The following CFAP251 variants were observed in gnomAD, a reference collection of about 807,000 sequenced individuals.
CFAP251 encodes cilia- and flagella-associated protein 251.
A neutral mutation model predicts 126.7 loss-of-function variants in CFAP251; 93 were observed. The ratio of observed to expected loss-of-function variants is 0.73; its 90% CI spans 0.62 to 0.87. The LOEUF (loss-of-function observed/expected upper bound fraction) is 0.87. Among genes scored for constraint, CFAP251 ranks in the 40% least tolerant of loss-of-function variants. The probability of loss-of-function intolerance (pLI) is 0.00; values close to 1 mark genes in which losing one functional copy is unlikely to be tolerated. For synonymous variants in CFAP251, 503 were observed against 506.9 expected, an observed-to-expected ratio of 0.99 and a Z score of 0.10; for missense variants, 1,287 against 1,389.2, an observed-to-expected ratio of 0.93 and a Z score of 1.17.
chr12:121,980,081 T>G (rs1008095323), intron 19 of CFAP251, among the ~76,000 whole-genome samples: 6 of 152,218 alleles, frequency 3.9e-5, no homozygotes, highest in Admixed American at 6.5e-5. Context: ...TGGGATTCAA[T>G]GCCACAGGCA....
intron 9 of CFAP251, 107 bp downstream of exon 9, chr12:121,951,637 T>C: frequency 1.3e-6 from 1 of 773,746 alleles, no homozygotes; most frequent in Non-Finnish European, 2.1e-6. Flanking sequence ...GATATTAAGC[T>C]ACTGGGAAAT....
intron 2 of CFAP251, 141 bp from the exon 3 acceptor site, chr12:121,923,481 A>G: frequency 8.6e-7 from 1 of 1,158,750 alleles, no homozygotes; most frequent in Non-Finnish European, 1.2e-6. Flanking sequence ...TTAAGTACAA[A>G]ATGTTCCAGC....
At chr12:121,942,315 C>T (rs1480065359) in intron 5 of CFAP251, among the ~76,000 whole-genome samples, 2 of 152,292 alleles carry the variant, frequency 1.3e-5, no homozygotes, top group African/African-American at 4.8e-5. Context: ...CCTTTCGTGC[C>T]TGGCTTCTTT....
chr12:121,925,579 C>G (rs554992881), intron 3 of CFAP251, among the ~76,000 whole-genome samples: 43 of 152,344 alleles, frequency 2.8e-4, no homozygotes, highest in Non-Finnish European at 5.6e-4. Flanking sequence ...CTCTCTCCCA[C>G]AGCTTGCAAC....
At position 121,958,445 on chromosome 12, in the gene CFAP251, A is replaced by G. The variant is rs923387086; in HGVS notation, c.1904A>G (p.Tyr635Cys). The change falls in exon 12 of 22, where the codon TAT becomes TGT. Residue 635 changes from tyrosine (Y) to cysteine (C), a missense_variant. Tyr to Cys is a radical substitution (Grantham distance 194). Coordinates refer to ENST00000288912, the MANE Select transcript of CFAP251 (RefSeq NM_144668.6). ...SICGMIKVWN[Y>C]ENKQYLFSRV... ...TGTGGGATGATCAAAGTGTGGAATT[A>G]TGAAAACAAACAATATCTTTTCAGC... is the stretch of plus-strand genomic sequence containing the variant. The G allele has an allele frequency of 6.2e-7, 1 of 1,614,252 alleles. No homozygotes were observed. Among genetic ancestry groups the G allele is most frequent in the African/African-American group, 1.3e-5 (1 of 75,074 alleles).
Position 121,954,100 on chromosome 12 carries a change from T to A in CFAP251, c.1321-20T>A. 1 of 1,602,298 alleles carries A rather than the reference T, an allele frequency of 6.2e-7. No homozygotes were observed. The highest frequency in any genetic ancestry group is 8.5e-7 in the Non-Finnish European group (1 of 1,170,176). Reference sequence around the variant, plus strand: ...TTATATTTATTACCAACAGTAACTATAACCTTTCTTTTGAAACAGACCTTC... The same window carrying A: ...TTATATTTATTACCAACAGTAACTAAAACCTTTCTTTTGAAACAGACCTTC... On this transcript the variant is annotated intron_variant, in intron 9 of 21. Transcript: ENST00000288912.
chr12:121,954,314 G>T lies in CFAP251; in HGVS notation c.1515G>T (p.Thr505=), dbSNP rs751281051. ...KLVHLQKEGI[T]VLTTIDSYIV... ...TTCATTTGCAGAAAGAGGGTATCAC[G>T]GTACTTACCACAATTGATAGGTAAT... The change falls in exon 10 of 22, where the codon ACG becomes ACT. Residue 505 remains threonine (T), a synonymous_variant. Transcript: ENST00000288912. 2 of 1,612,702 alleles carry T rather than the reference G, an allele frequency of 1.2e-6. No individual in the cohort carries two copies. Among genetic ancestry groups the T allele is most frequent in the Non-Finnish European group, 8.5e-7 (1 of 1,179,388 alleles).
rs926231832 is a variant in CFAP251, at chr12:121,959,083, A to G, written c.2122A>G (p.Met708Val). The G allele has an allele frequency of 8.2e-6, 13 of 1,592,830 alleles. No homozygotes were observed. Among genetic ancestry groups the G allele is most frequent in the Non-Finnish European group, 1.1e-5 (13 of 1,174,016 alleles). The change falls in exon 13 of 22, where the codon ATG (methionine) becomes GTG (valine). Residue 708 changes from methionine (M) to valine (V), a missense_variant. Coordinates refer to ENST00000288912, the MANE Select transcript of CFAP251 (RefSeq NM_144668.6). The stretch of plus-strand genomic sequence containing the variant: ...AAGCTTTTCCCATGACTCCCAGTAT[A>G]TGGCAACTGCTGTAAGTATTTTCAT... ...HISFSHDSQYMATADRSFTVA... is the reference protein window; with the variant it reads ...HISFSHDSQYVATADRSFTVA...
chr12:121,946,020 A>G (rs998029252), intron 7 of CFAP251, among the ~76,000 whole-genome samples: 4 of 152,186 alleles, frequency 2.6e-5, no homozygotes, highest in African/African-American at 9.7e-5. Flanking sequence ...ATCCTTCAGT[A>G]ACTTCTCATT....
intron 19 of CFAP251, among the ~76,000 whole-genome samples, chr12:121,994,992 A>G (rs976526866): frequency 1.3e-5 from 2 of 152,244 alleles, no homozygotes; most frequent in African/African-American, 4.8e-5. Flanking sequence ...AATCACAAGA[A>G]TAATTACTGT....
At chr12:121,927,935 T>C (rs1333591664) in intron 3 of CFAP251, among the ~76,000 whole-genome samples, 1 of 152,224 alleles carries the variant, frequency 6.6e-6, no homozygotes, top group African/African-American at 2.4e-5. Flanking sequence ...AGAAAAAGAT[T>C]GATGTAAGCA....
intron 21 of CFAP251, 114 bp downstream of exon 21, chr12:122,001,712 A>G (rs1883156345): frequency 5.0e-6 from 4 of 795,074 alleles, no homozygotes; most frequent in South Asian, 1.4e-5. Context: ...GACTGCACAT[A>G]ACAAAGCATG....
intron 17 of CFAP251, chr12:121,969,457 C>T: frequency 1.0e-6 from 1 of 985,358 alleles, no homozygotes; most frequent in Non-Finnish European, 1.2e-6. Flanking sequence ...GCAAGCCACA[C>T]CCTGTGGGGA....
At chr12:122,001,080 A>G (rs961856036) in intron 20 of CFAP251, among the ~76,000 whole-genome samples, 3 of 140,704 alleles carry the variant, frequency 2.1e-5, no homozygotes, top group Non-Finnish European at 4.6e-5. Flanking sequence ...TTTTTGAGAC[A>G]GAGTCTCGCT....
chr12:121,954,258 G>T lies in CFAP251; in HGVS notation c.1459G>T (p.Gly487Cys), dbSNP rs779997657. The T allele has an allele frequency of 6.2e-7, 1 of 1,614,038 alleles. No homozygotes were observed. The highest frequency in any genetic ancestry group is 8.5e-7 in the Non-Finnish European group (1 of 1,180,020). The change falls in exon 10 of 22, where the codon GGC becomes TGC. Residue 487 changes from glycine (G) to cysteine (C), a missense_variant. Coordinates refer to ENST00000288912, the MANE Select transcript of CFAP251 (RefSeq NM_144668.6). ...RPPSSASTFL[G>C]FPYIKPCKLV... ...ACCCTCATCTGCCTCCACCTTTTTG[G>T]GCTTTCCCTATATCAAGCCTTGTAA...
chr12:121,983,015 T>C (rs924945402), intron 19 of CFAP251, among the ~76,000 whole-genome samples: 1 of 152,166 alleles, frequency 6.6e-6, no homozygotes, highest in African/African-American at 2.4e-5. Flanking sequence ...AGGGATTGCT[T>C]GAGCCTAGGA....
chr12:121,966,580 A>G (rs943569430), intron 15 of CFAP251, among the ~76,000 whole-genome samples: 1 of 146,848 alleles, frequency 6.8e-6, no homozygotes, highest in African/African-American at 2.5e-5. Flanking sequence ...ATCCATGACC[A>G]AAGAGTCTTT....
At chr12:121,947,838 G>A (rs1881376784) in intron 7 of CFAP251, 1 of 152,082 alleles carries the variant, frequency 6.6e-6, no homozygotes, top group African/African-American at 2.4e-5. Flanking sequence ...CCCTACCCAG[G>A]CTTTTGTGCT....
Position 121,931,895 on chromosome 12 carries a change from G to A in CFAP251, c.888+9G>A, listed in dbSNP as rs768651418. ...ATCAATACCACCTTCAGGTATGCAGGGATTTCCTTCCTACAGGTGGGGGAG... is the reference window on the plus strand; with the variant it reads ...ATCAATACCACCTTCAGGTATGCAGAGATTTCCTTCCTACAGGTGGGGGAG... On this transcript the variant is annotated intron_variant, in intron 4 of 21. Transcript: ENST00000288912. 2 of 1,528,720 alleles carry A rather than the reference G, an allele frequency of 1.3e-6. No homozygotes were observed. The highest frequency in any genetic ancestry group is 4.3e-5 in the Admixed American group (2 of 46,568). The allele number at this position is 1,528,720 out of a possible 1,614,324, so 94.7% of individuals were successfully genotyped here. A position where few individuals can be genotyped will look rare whatever the true frequency, so the allele number is the denominator to read the frequency against.
Sources: allele counts gnomAD v4.1 joint callset (sites outside exome capture counted in the v4.1 genomes callset), GRCh38; gene constraint gnomAD v4.1.1; transcripts MANE v1.5; gene names NCBI Gene and HGNC (gene_info 2026-07-23, HGNC 2026-07-21).